Variants in CTNNA2 observed in about 807,000 individuals in gnomAD.
CTNNA2 encodes catenin alpha 2.
A neutral mutation model predicts 101.0 loss-of-function variants in CTNNA2; 42 were observed. That is an observed-to-expected ratio of 0.42 (90% confidence interval 0.32 to 0.54). CTNNA2 has a LOEUF of 0.54. Ranked by LOEUF, CTNNA2 falls within the 20% of genes least tolerant of loss-of-function variation. The pLI is 0.14. For synonymous variants in CTNNA2, 450 were observed against 456.4 expected (o/e 0.99, Z 0.18); for missense variants, 871 against 1,223.1 (o/e 0.71, Z 4.29).
chr2:79,867,845 T>C (rs556601449), intron 4 of CTNNA2, among the ~76,000 whole-genome samples: 9 of 152,260 alleles, frequency 5.9e-5, no homozygotes, highest in African/African-American at 2.2e-4. Context: ...AGTTTTTATG[T>C]CCCAAGAAGA....
chr2:79,466,468 C>G (rs1418012924), intron 4 of CTNNA2, among the ~76,000 whole-genome samples: 6 of 152,234 alleles, frequency 3.9e-5, no homozygotes, highest in African/African-American at 1.4e-4. Flanking sequence ...CATAGCCAAA[C>G]AAAAGGCAGC....
chr2:80,478,718 T>G (rs1489011949), intron 9 of CTNNA2, among the ~76,000 whole-genome samples: 1 of 152,150 alleles, frequency 6.6e-6, no homozygotes. Flanking sequence ...GGTTCTTTAT[T>G]CTGTTTCATT....
At chr2:80,328,132 A>T (rs1670989678) in intron 7 of CTNNA2, 1 of 381,856 alleles carries the variant, frequency 2.6e-6, no homozygotes, top group Admixed American at 3.1e-5. Context: ...TCTTTACAGC[A>T]ACAAACTCTT....
At chr2:80,153,841 G>T (rs908360925) in intron 7 of CTNNA2, among the ~76,000 whole-genome samples, 1 of 152,156 alleles carries the variant, frequency 6.6e-6, no homozygotes, top group Non-Finnish European at 1.5e-5. Context: ...ATGAATAGTA[G>T]TATTATTACA....
intron 2 of CTNNA2, among the ~76,000 whole-genome samples, chr2:79,683,684 C>T (rs2104656704): frequency 6.6e-6 from 1 of 152,320 alleles, no homozygotes; most frequent in East Asian, 1.9e-4. Context: ...CTTTGTTCAC[C>T]TCTGTCATTG....
chr2:79,960,353 A>G (rs1689545636), intron 7 of CTNNA2, among the ~76,000 whole-genome samples: 1 of 152,244 alleles, frequency 6.6e-6, no homozygotes, highest in African/African-American at 2.4e-5. Flanking sequence ...TCAAGGAAAC[A>G]CAATATTGTT....
chr2:79,903,403 C>A (rs1327215953), intron 6 of CTNNA2, among the ~76,000 whole-genome samples: 1 of 152,040 alleles, frequency 6.6e-6, no homozygotes, highest in Admixed American at 6.6e-5. Context: ...TAAACCCAAA[C>A]AGGATTATGT....
At chr2:80,567,014 C>G (rs78984659) in intron 12 of CTNNA2, among the ~76,000 whole-genome samples, 1 of 152,148 alleles carries the variant, frequency 6.6e-6, no homozygotes, top group Non-Finnish European at 1.5e-5. Context: ...TAATGAGATT[C>G]CAGCCATCCT....
intron 17 of CTNNA2, among the ~76,000 whole-genome samples, chr2:80,617,400 CA>C (rs542550470): frequency 2.0e-5 from 3 of 151,240 alleles, no homozygotes; most frequent in Admixed American, 1.3e-4. Flanking sequence ...ATCTCACACA[CA>C]AAAAAAGCTG....
intron 7 of CTNNA2, 145 bp downstream of exon 7, chr2:79,909,942 G>A: frequency 1.3e-6 from 1 of 775,292 alleles, no homozygotes; most frequent in Non-Finnish European, 2.0e-6. Flanking sequence ...ACTGCTTTGG[G>A]AGAGCGCGTG....
intron 3 of CTNNA2, among the ~76,000 whole-genome samples, chr2:79,796,544 A>G (rs1675716786): frequency 2.0e-5 from 3 of 152,202 alleles, no homozygotes; most frequent in Non-Finnish European, 2.9e-5. Context: ...CCTGACCACA[A>G]GCGGGGCATA....
chr2:79,491,695 A>C (rs554002422), intron 4 of CTNNA2, among the ~76,000 whole-genome samples: 1 of 152,154 alleles, frequency 6.6e-6, no homozygotes. Context: ...TCAGGATCAC[A>C]TCACTGTAGA....
chr2:80,183,202 A>C (rs1705897173), intron 7 of CTNNA2, among the ~76,000 whole-genome samples: 1 of 152,080 alleles, frequency 6.6e-6, no homozygotes, highest in Admixed American at 6.6e-5. Flanking sequence ...ACCAGCATAC[A>C]CACTTTTCTA....
rs144632458 is a variant in CTNNA2 at position 79,802,562 on chromosome 2, C to T, written c.299-55451C>T. On this transcript the variant is annotated intron_variant, in intron 3 of 18. Coordinates refer to ENST00000402739, the MANE Select transcript of CTNNA2 (RefSeq NM_001282597.3). Reference sequence around the variant, plus strand: ...CTGGCCCAGATATGCGGCTGGATTACGGGCCTTTTCCTACCCTAGGAAGGC... The same window carrying T: ...CTGGCCCAGATATGCGGCTGGATTATGGGCCTTTTCCTACCCTAGGAAGGC... Among the ~76,000 whole-genome samples, 738 of 152,254 alleles carry T rather than the reference C, an allele frequency of 4.8e-3. 4 individuals carry two copies. The highest frequency in any genetic ancestry group is 5.5e-3 in the Non-Finnish European group (377 of 68,024).
intron 4 of CTNNA2, among the ~76,000 whole-genome samples, chr2:79,454,127 T>C (rs1670787691): frequency 1.3e-5 from 2 of 152,132 alleles, no homozygotes; most frequent in Non-Finnish European, 2.9e-5. Context: ...TGTGTGTCAC[T>C]CTCCATGGTG....
At chr2:80,475,521 A>C (rs1240714643) in intron 9 of CTNNA2, among the ~76,000 whole-genome samples, 1 of 152,194 alleles carries the variant, frequency 6.6e-6, no homozygotes, top group East Asian at 1.9e-4. Context: ...TCAAGTGATG[A>C]GATATAAATA....
intron 1 of CTNNA2, among the ~76,000 whole-genome samples, chr2:79,540,334 ATTAC>A (rs935100359): frequency 1.4e-4 from 22 of 152,168 alleles, no homozygotes; most frequent in Admixed American, 7.9e-4. Flanking sequence ...ATATAACAAT[ATTAC>A]TTACCTCATA....
intron 4 of CTNNA2, among the ~76,000 whole-genome samples, chr2:79,451,963 C>T (rs1398731265): frequency 6.6e-6 from 1 of 151,878 alleles, no homozygotes; most frequent in Admixed American, 6.6e-5. Flanking sequence ...CAAGTAAAAC[C>T]TCAAACTTTG....
chr2:80,215,316 G>T (rs574144655), intron 7 of CTNNA2, among the ~76,000 whole-genome samples: 1 of 152,154 alleles, frequency 6.6e-6, no homozygotes, highest in South Asian at 2.1e-4. Flanking sequence ...GTGAGGAGCT[G>T]CATTCCTTTG....
Sources: allele counts gnomAD v4.1 joint callset (sites outside exome capture counted in the v4.1 genomes callset), GRCh38; gene constraint gnomAD v4.1.1; transcripts MANE v1.5; gene names NCBI Gene and HGNC (gene_info 2026-07-23, HGNC 2026-07-21).